Variants in LEF1 observed in about 807,000 individuals in gnomAD.
LEF1 encodes the protein lymphoid enhancer binding factor 1, also known as lymphoid enhancer-binding factor 1.
A neutral mutation model predicts 51.2 loss-of-function variants in LEF1; 14 were observed. That is an observed-to-expected ratio of 0.27 (90% CI 0.18 to 0.43). The LOEUF (loss-of-function observed/expected upper bound fraction) is 0.43. LEF1 is among the 20% of genes least tolerant of loss of function. LEF1 has a pLI of 1.00. For missense variants in LEF1, 386 were observed against 512.0 expected (o/e 0.75, Z 2.37); for synonymous variants, 185 against 183.2 (o/e 1.01, Z -0.08).
At chr4:108,151,615 T>C (rs1744361548) in intron 3 of LEF1, among the ~76,000 whole-genome samples, 1 of 152,158 alleles carries the variant, frequency 6.6e-6, no homozygotes, top group Admixed American at 6.5e-5. Context: ...CAACCTTCTC[T>C]ATACTTCAGT....
intron 6 of LEF1, among the ~76,000 whole-genome samples, chr4:108,080,986 G>C (rs779675919): frequency 6.8e-6 from 1 of 146,268 alleles, no homozygotes; most frequent in Non-Finnish European, 1.5e-5. Context: ...TTCTCGGTGC[G>C]GCGCGGCAGG....
At chr4:108,079,833 T>G (rs1246792107) in intron 6 of LEF1, among the ~76,000 whole-genome samples, 1 of 152,186 alleles carries the variant, frequency 6.6e-6, no homozygotes, top group East Asian at 1.9e-4. Flanking sequence ...TGCAAAGCAA[T>G]TTTGAAATAG....
At chr4:108,090,553 C>CTTAT (rs1181722620) in intron 3 of LEF1, among the ~76,000 whole-genome samples, 6 of 151,914 alleles carry the variant, frequency 3.9e-5, no homozygotes, top group Admixed American at 3.9e-4. Flanking sequence ...AGTAAAATCA[C>CTTAT]TTATTTATTT....
At chr4:108,151,377 G>C (rs746392711) in intron 3 of LEF1, among the ~76,000 whole-genome samples, 1 of 152,032 alleles carries the variant, frequency 6.6e-6, no homozygotes, top group Non-Finnish European at 1.5e-5. Context: ...TTACCTATGA[G>C]AAACTCACTG....
chr4:108,157,166 CTCTA>C (rs796796493), intron 3 of LEF1, among the ~76,000 whole-genome samples: 96 of 116,138 alleles, frequency 8.3e-4, no homozygotes, highest in South Asian at 2.4e-3. Flanking sequence ...CTCTCTCTCT[CTCTA>C]TATATATATA....
intron 3 of LEF1, among the ~76,000 whole-genome samples, chr4:108,142,361 C>A: frequency 6.6e-6 from 1 of 152,092 alleles, no homozygotes; most frequent in African/African-American, 2.4e-5. Flanking sequence ...ATTCTGGCTC[C>A]AGATACAGAG....
intron 3 of LEF1, among the ~76,000 whole-genome samples, chr4:108,134,835 G>A (rs1743148156): frequency 6.6e-6 from 1 of 152,230 alleles, no homozygotes; most frequent in Admixed American, 6.5e-5. Context: ...TGATTCCCAA[G>A]TTGAAGCAGA....
intron 3 of LEF1, among the ~76,000 whole-genome samples, chr4:108,127,538 T>C (rs779172976): frequency 3.9e-5 from 6 of 152,118 alleles, no homozygotes; most frequent in Non-Finnish European, 8.8e-5. Context: ...TTGACATAAA[T>C]GTTATGTTCT....
At chr4:108,150,362 C>T (rs757825516) in intron 3 of LEF1, among the ~76,000 whole-genome samples, 1 of 152,020 alleles carries the variant, frequency 6.6e-6, no homozygotes, top group Non-Finnish European at 1.5e-5. Context: ...GACACTGGGC[C>T]TCTAGAAGTG....
intron 3 of LEF1, among the ~76,000 whole-genome samples, chr4:108,160,238 C>A (rs1433075618): frequency 6.6e-6 from 1 of 152,136 alleles, no homozygotes; most frequent in African/African-American, 2.4e-5. Context: ...ACTGCCAGAG[C>A]CAAACTAGGG....
intron 11 of LEF1, among the ~76,000 whole-genome samples, chr4:108,050,497 G>A (rs1397233760): frequency 6.6e-6 from 1 of 152,166 alleles, no homozygotes; most frequent in Non-Finnish European, 1.5e-5. Context: ...GAGGATCAAA[G>A]AGCTACGAAG....
intron 3 of LEF1, among the ~76,000 whole-genome samples, chr4:108,141,060 T>C (rs1346101857): frequency 6.6e-6 from 1 of 152,232 alleles, no homozygotes; most frequent in Non-Finnish European, 1.5e-5. Context: ...GTTAGAAAGT[T>C]AGTTGTGTTT....
chr4:108,086,646 G>A (rs1488852170), intron 4 of LEF1, among the ~76,000 whole-genome samples: 1 of 152,128 alleles, frequency 6.6e-6, no homozygotes, highest in Non-Finnish European at 1.5e-5. Flanking sequence ...TATGTACTAC[G>A]GAAAATGCCT....
chr4:108,083,125 G>A, intron 5 of LEF1: 1 of 533,560 alleles, frequency 1.9e-6, no homozygotes, highest in Non-Finnish European at 3.3e-6. Flanking sequence ...AAGCTTCAAA[G>A]CAAATGCTAC....
intron 3 of LEF1, among the ~76,000 whole-genome samples, chr4:108,137,743 T>C (rs1743390952): frequency 1.3e-5 from 2 of 152,214 alleles, no homozygotes; most frequent in Admixed American, 1.3e-4. Context: ...ATTCAAAATA[T>C]TTGAATATGG....
intron 3 of LEF1, among the ~76,000 whole-genome samples, chr4:108,138,358 G>A (rs75964264): frequency 0.015 from 2,305 of 152,212 alleles, 36 homozygotes; most frequent in Admixed American, 0.03. Context: ...CCTATGGGTC[G>A]CTACTATGAT....
At chr4:108,054,756 C>G (rs6533343) in intron 11 of LEF1, among the ~76,000 whole-genome samples, 132,644 of 152,226 alleles carry the variant, frequency 0.87, 58,327 homozygotes, top group East Asian at 0.97. Context: ...CTGAGAAAAA[C>G]TAATCCCAAT....
intron 10 of LEF1, among the ~76,000 whole-genome samples, chr4:108,064,123 G>C (rs1461359414): frequency 6.6e-6 from 1 of 151,974 alleles, no homozygotes; most frequent in South Asian, 2.1e-4. Context: ...CAGGTGACAG[G>C]GTTTGGGAAA....
At chr4:108,134,299 C>T (rs1311476119) in intron 3 of LEF1, among the ~76,000 whole-genome samples, 1 of 152,200 alleles carries the variant, frequency 6.6e-6, no homozygotes, top group Admixed American at 6.5e-5. Context: ...AGCAGTCCTT[C>T]CACTATTGGA....
Sources: gnomAD v4.1 joint callset for allele counts (sites outside exome capture counted in the v4.1 genomes callset) on GRCh38, gnomAD v4.1.1 for gene constraint, MANE v1.5 for transcripts, NCBI Gene and HGNC (gene_info 2026-07-23, HGNC 2026-07-21) for gene names.